Variants in KLF17 observed in about 807,000 individuals in gnomAD.
KLF17 encodes the protein Krueppel-like factor 17.
Under a neutral mutation model 34.2 loss-of-function variants are expected in KLF17, and 31 were observed. The ratio of observed to expected loss-of-function variants is 0.91; its 90% CI spans 0.68 to 1.22. The LOEUF (loss-of-function observed/expected upper bound fraction) is 1.22. KLF17 is among the 50% of genes most tolerant of loss of function. The probability of loss-of-function intolerance (pLI) is 0.00; values close to 1 mark genes in which losing one functional copy is unlikely to be tolerated. For missense variants in KLF17, 478 were observed against 505.2 expected (o/e 0.95, Z 0.52); for synonymous variants, 179 against 186.7 (o/e 0.96, Z 0.34).
the KLF17 span, among the ~76,000 whole-genome samples, chr1:44,079,931 T>A: frequency 6.6e-6 from 1 of 151,880 alleles, no homozygotes; most frequent in East Asian, 1.9e-4. Context: ...CATGTCTTTT[T>A]TTTTTTTCTT....
chr1:44,130,833 G>A (rs1318255297), intron 3 of KLF17, 77 bp downstream of exon 3: 1 of 1,448,382 alleles, frequency 6.9e-7, no homozygotes, highest in Non-Finnish European at 9.5e-7. Context: ...GTCTCACTCT[G>A]TCTCCCAGGC....
chr1:44,067,020 G>T, the KLF17 span, among the ~76,000 whole-genome samples: 3 of 152,166 alleles, frequency 2.0e-5, no homozygotes, highest in Non-Finnish European at 4.4e-5. Flanking sequence ...CTCGGAGGAG[G>T]TATGGGTAGA....
chr1:44,102,751 G>A, the KLF17 span, among the ~76,000 whole-genome samples: 4 of 152,104 alleles, frequency 2.6e-5, no homozygotes, highest in African/African-American at 9.7e-5. Flanking sequence ...CCATTCTGGC[G>A]CAGGATGTTG....
chr1:44,062,806 A>G, the KLF17 span, among the ~76,000 whole-genome samples: 1 of 152,172 alleles, frequency 6.6e-6, no homozygotes, highest in South Asian at 2.1e-4. Flanking sequence ...ATAAACTGAT[A>G]CAGCCACTTT....
the KLF17 span, among the ~76,000 whole-genome samples, chr1:44,072,596 G>A: frequency 1.4e-4 from 21 of 152,144 alleles, no homozygotes; most frequent in Non-Finnish European, 2.4e-4. Context: ...AGCCACTGGG[G>A]AGGCTGAGGC....
At chr1:44,127,702 T>TC (rs2088039721) in intron 1 of KLF17, among the ~76,000 whole-genome samples, 2 of 134,822 alleles carry the variant, frequency 1.5e-5, no homozygotes, top group African/African-American at 6.6e-5. Context: ...TTTTCTTTCT[T>TC]TCTTTCTTTC....
chr1:44,104,986 C>T, the KLF17 span: 2 of 156,162 alleles, frequency 1.3e-5, no homozygotes, highest in African/African-American at 4.8e-5. Flanking sequence ...GAGGATGAGT[C>T]CTAGCTACTT....
the KLF17 span, among the ~76,000 whole-genome samples, chr1:44,085,080 C>CTA: frequency 2.7e-4 from 41 of 149,444 alleles, no homozygotes; most frequent in Admixed American, 1.2e-3. Flanking sequence ...TGAGTGCCTA[C>CTA]TATATATATA....
chr1:44,078,103 T>C, the KLF17 span, among the ~76,000 whole-genome samples: 3 of 152,378 alleles, frequency 2.0e-5, no homozygotes, highest in Admixed American at 6.5e-5. Context: ...TTACTTTAAT[T>C]TGGCAAAATG....
chr1:44,091,776 G>T, the KLF17 span, among the ~76,000 whole-genome samples: 1 of 151,322 alleles, frequency 6.6e-6, no homozygotes, highest in African/African-American at 2.4e-5. Flanking sequence ...GAAAGATTTT[G>T]GGGACCTTAA....
At chr1:44,079,529 C>G in the KLF17 span, among the ~76,000 whole-genome samples, 1 of 151,994 alleles carries the variant, frequency 6.6e-6, no homozygotes, top group African/African-American at 2.4e-5. Context: ...TCTCAAACTC[C>G]TGGGCTCAAG....
the KLF17 span, chr1:44,103,961 G>A: frequency 2.3e-6 from 2 of 867,006 alleles, no homozygotes; most frequent in African/African-American, 1.6e-5. Context: ...CCCGCCTGCG[G>A]TTGGCGATCT....
At chr1:44,122,087 A>T in intron 1 of KLF17, 1 of 1,009,714 alleles carries the variant, frequency 9.9e-7, no homozygotes, top group East Asian at 2.5e-5. Flanking sequence ...AAACTGACAT[A>T]AACACAACCT....
the KLF17 span, among the ~76,000 whole-genome samples, chr1:44,054,600 C>T: frequency 6.6e-6 from 1 of 150,992 alleles, no homozygotes; most frequent in Non-Finnish European, 1.5e-5. Flanking sequence ...CCTGCCGCAG[C>T]CTCCCAAGTA....
chr1:44,089,752 A>G, the KLF17 span, among the ~76,000 whole-genome samples: 8 of 152,358 alleles, frequency 5.3e-5, no homozygotes, highest in Non-Finnish European at 1.0e-4. Flanking sequence ...GCAACCATAT[A>G]GAACAAAGGT....
intron 3 of KLF17, 56 bp downstream of exon 3, chr1:44,130,812 T>G: frequency 6.4e-7 from 1 of 1,574,130 alleles, no homozygotes; most frequent in Non-Finnish European, 8.7e-7. Flanking sequence ...TTTTTATTTT[T>G]TTGAGACGGA....
At chr1:44,112,538 A>G in the KLF17 span, among the ~76,000 whole-genome samples, 1 of 152,020 alleles carries the variant, frequency 6.6e-6, no homozygotes, top group Non-Finnish European at 1.5e-5. Flanking sequence ...CCCAAGTACT[A>G]GGACTACAGG....
chr1:44,100,506 G>T, the KLF17 span, among the ~76,000 whole-genome samples: 1 of 152,080 alleles, frequency 6.6e-6, no homozygotes, highest in Non-Finnish European at 1.5e-5. Flanking sequence ...GTAATATAAA[G>T]AAACAAATGA....
chr1:44,048,673 A>G, the KLF17 span, among the ~76,000 whole-genome samples: 1 of 152,188 alleles, frequency 6.6e-6, no homozygotes, highest in Admixed American at 6.5e-5. Context: ...ACATAAATAA[A>G]TTGTTTTATT....
Sources: allele counts gnomAD v4.1 joint callset (sites outside exome capture counted in the v4.1 genomes callset), GRCh38; gene constraint gnomAD v4.1.1; transcripts MANE v1.5; gene names NCBI Gene and HGNC (gene_info 2026-07-23, HGNC 2026-07-21).